RBFOX1: variants seen among roughly 807,000 people sequenced by gnomAD.
RBFOX1 encodes RNA binding fox-1 homolog 1, also known as RNA binding protein fox-1 homolog 1.
Under a neutral mutation model 57.7 loss-of-function variants are expected in RBFOX1, and 8 were observed. The observed-to-expected ratio is 0.14, with a 90% confidence interval of 0.08 to 0.25. The LOEUF is 0.25. Ranked by LOEUF, RBFOX1 falls within the 10% of genes least tolerant of loss-of-function variation. RBFOX1 has a pLI of 1.00. For missense variants in RBFOX1, 611 were observed against 548.5 expected (o/e 1.11, Z -1.14); for synonymous variants, 326 against 222.4 (o/e 1.47, Z -4.15).
chr16:6,284,285 G>A (rs1338158626), intron 1 of RBFOX1, among the ~76,000 whole-genome samples: 2 of 152,140 alleles, frequency 1.3e-5, no homozygotes, highest in African/African-American at 2.4e-5. Flanking sequence ...ATGCCGTCAG[G>A]ACAGCTCTGG....
chr16:7,697,070 G>T (rs192061441), intron 14 of RBFOX1, among the ~76,000 whole-genome samples: 1 of 152,146 alleles, frequency 6.6e-6, no homozygotes, highest in Non-Finnish European at 1.5e-5. Flanking sequence ...AGGCATTGGA[G>T]GGAGGGTTGT....
At chr16:7,538,976 G>C (rs1204162715) in intron 5 of RBFOX1, among the ~76,000 whole-genome samples, 1 of 151,856 alleles carries the variant, frequency 6.6e-6, no homozygotes, top group Non-Finnish European at 1.5e-5. Context: ...CTTCAGTGGT[G>C]GCTGAATTCG....
In RBFOX1 at chr16:5,628,193, T is replaced by C. The variant is rs905187904; in HGVS notation, c.318+29232T>C. On this transcript the variant is annotated intron_variant, in intron 3 of 19. Coordinates refer to the RBFOX1 transcript ENST00000641259. The stretch of plus-strand genomic sequence containing the variant: ...GATACCCTTATATCAGATAGTCTAT[T>C]GAGAAATACATTGCAGCCCAGTGTT... Among the ~76,000 whole-genome samples, 4 of 152,190 alleles carry C rather than the reference T, an allele frequency of 2.6e-5. No individual in the cohort carries two copies. The East Asian group carries it at 7.7e-4, about 29-fold the overall frequency.
chr16:7,453,703 A>T (rs1207386966), intron 4 of RBFOX1, among the ~76,000 whole-genome samples: 1 of 152,158 alleles, frequency 6.6e-6, no homozygotes, highest in East Asian at 1.9e-4. Flanking sequence ...GCCTGAGTGT[A>T]AGACAGCATC....
intron 4 of RBFOX1, among the ~76,000 whole-genome samples, chr16:5,995,606 T>C (rs1482492981): frequency 6.6e-6 from 1 of 152,244 alleles, no homozygotes; most frequent in African/African-American, 2.4e-5. Context: ...AATTCAATTT[T>C]CTAAAATAGA....
intron 2 of RBFOX1, among the ~76,000 whole-genome samples, chr16:6,369,238 A>T (rs2090093019): frequency 6.6e-6 from 1 of 152,214 alleles, no homozygotes; most frequent in African/African-American, 2.4e-5. Flanking sequence ...ATCTCATTTT[A>T]ATTTTTTATA....
At chr16:6,210,550 C>T (rs888877534) in intron 1 of RBFOX1, among the ~76,000 whole-genome samples, 6 of 151,478 alleles carry the variant, frequency 4.0e-5, no homozygotes, top group South Asian at 4.2e-4. Flanking sequence ...GGTAATGTAG[C>T]GAGACCCTGT....
At chr16:7,325,695 A>G (rs1159391395) in intron 4 of RBFOX1, among the ~76,000 whole-genome samples, 1 of 152,102 alleles carries the variant, frequency 6.6e-6, no homozygotes, top group African/African-American at 2.4e-5. Context: ...TATCCTGTCC[A>G]CAGTCTATGG....
chr16:7,322,964 G>T (rs189201032), intron 4 of RBFOX1, among the ~76,000 whole-genome samples: 1 of 152,118 alleles, frequency 6.6e-6, no homozygotes, highest in African/African-American at 2.4e-5. Context: ...TGAAGACTCA[G>T]TGGTGGGTGG....
chr16:6,200,250 TCC>T (rs2054874673), intron 1 of RBFOX1, among the ~76,000 whole-genome samples: 1 of 152,162 alleles, frequency 6.6e-6, no homozygotes, highest in Admixed American at 6.6e-5. Flanking sequence ...GCCGGGATTC[TCC>T]CTAATGACAA....
chr16:6,478,430 T>TATATA (rs1491380922), intron 2 of RBFOX1, among the ~76,000 whole-genome samples: 96 of 12,646 alleles, frequency 7.6e-3, no homozygotes, highest in African/African-American at 0.027. Flanking sequence ...TATATATATA[T>TATATA]TTTTTTTTTT....
intron 4 of RBFOX1, among the ~76,000 whole-genome samples, chr16:7,177,121 T>A (rs9302841): frequency 0.023 from 3,525 of 152,298 alleles, 136 homozygotes; most frequent in African/African-American, 0.081. Flanking sequence ...ATTGTAGAAC[T>A]GTGCAAAGAA....
chr16:5,292,114 G>T (rs181699575), intron 1 of RBFOX1, among the ~76,000 whole-genome samples: 162 of 152,256 alleles, frequency 1.1e-3, no homozygotes, highest in African/African-American at 3.7e-3. Flanking sequence ...GAGAAATGCG[G>T]AATGCTATTA....
intron 2 of RBFOX1, among the ~76,000 whole-genome samples, chr16:6,448,765 A>G (rs1028221775): frequency 6.6e-6 from 1 of 152,198 alleles, no homozygotes; most frequent in African/African-American, 2.4e-5. Flanking sequence ...TTCATCCTGC[A>G]GTATTTTTTT....
At chr16:7,227,946 G>T (rs12709192) in intron 4 of RBFOX1, among the ~76,000 whole-genome samples, 37,506 of 152,112 alleles carry the variant, frequency 0.25, 4,844 homozygotes, top group African/African-American at 0.32. Flanking sequence ...AATTCTTTGC[G>T]GTGAGGAGGC....
intron 4 of RBFOX1, among the ~76,000 whole-genome samples, chr16:7,342,577 G>A (rs542530302): frequency 6.6e-6 from 1 of 152,164 alleles, no homozygotes; most frequent in Non-Finnish European, 1.5e-5. Context: ...TCTAGGTTGG[G>A]AAAGGAGAAT....
chr16:7,541,369 A>G (rs2082883397), intron 5 of RBFOX1, among the ~76,000 whole-genome samples: 1 of 152,024 alleles, frequency 6.6e-6, no homozygotes, highest in Admixed American at 6.5e-5. Flanking sequence ...TTTCAGATTT[A>G]CCTCCAGAAG....
chr16:5,571,519 A>C (rs1388684303), intron 2 of RBFOX1, among the ~76,000 whole-genome samples: 1 of 152,120 alleles, frequency 6.6e-6, no homozygotes, highest in African/African-American at 2.4e-5. Flanking sequence ...CCAACTCAGC[A>C]TTCCACTGAA....
At chr16:5,791,011 G>A (rs533876754) in intron 3 of RBFOX1, among the ~76,000 whole-genome samples, 99 of 151,920 alleles carry the variant, frequency 6.5e-4, no homozygotes, top group Non-Finnish European at 1.2e-3. Flanking sequence ...TGGGATTACA[G>A]GTGCATACCA....
Sources: allele counts gnomAD v4.1 joint callset (sites outside exome capture counted in the v4.1 genomes callset), GRCh38; gene constraint gnomAD v4.1.1; transcripts MANE v1.5; gene names NCBI Gene and HGNC (gene_info 2026-07-23, HGNC 2026-07-21).